The following GPC6 variants were observed in gnomAD, a reference collection of about 807,000 sequenced individuals.
GPC6 encodes glypican-6.
In GPC6, 14 loss-of-function variants were observed where a neutral mutation model predicts 55.2. That is an observed-to-expected ratio of 0.25 (90% CI 0.17 to 0.40). The LOEUF (loss-of-function observed/expected upper bound fraction) is 0.40. Ranked by LOEUF, GPC6 falls within the 10% of genes least tolerant of loss-of-function variation. The pLI is 1.00. For missense variants in GPC6, 641 were observed against 708.5 expected (o/e 0.90, Z 1.08); for synonymous variants, 278 against 259.6 (o/e 1.07, Z -0.68).
chr13:93,880,442 A>G (rs190583131), intron 3 of GPC6, among the ~76,000 whole-genome samples: 1 of 152,154 alleles, frequency 6.6e-6, no homozygotes, highest in Non-Finnish European at 1.5e-5. Context: ...GGAAATCATC[A>G]TTCTCAGCAA....
At chr13:93,778,421 C>T (rs1885534916) in intron 2 of GPC6, among the ~76,000 whole-genome samples, 1 of 152,152 alleles carries the variant, frequency 6.6e-6, no homozygotes, top group Non-Finnish European at 1.5e-5. Context: ...CAAATACACT[C>T]ACTAACTTGT....
rs74109202 is a variant in GPC6 at position 94,006,403 on chromosome 13, G to A, written c.712-21326G>A. 4.7e-3 allele frequency among the ~76,000 whole-genome samples: 716 copies of A among 152,246 alleles called. 6 individuals carry two copies. Among genetic ancestry groups the A allele is most frequent in the African/African-American group, 0.015 (617 of 41,542 alleles). On this transcript the variant is annotated intron_variant, in intron 3 of 8. Transcript: ENST00000377047. ...CCCCACGCTGCTACTCCTCAGACCC[G>A]AGGCTTATACAGCTTCAGGAAAGCA...
Position 94,027,739 on chromosome 13 carries a change from C to A in GPC6, c.722C>A (p.Thr241Asn), listed in dbSNP as rs769823137. ...VANRVSKVSP[T>N]PGCIRALMKM... The stretch of plus-strand genomic sequence containing the variant: ...GCAATAAATCTGCAGGTCAGCCCAA[C>A]CCCAGGGTGTATCCGTGCCCTCATG... Residue 241 changes from threonine to asparagine, a missense_variant, in exon 4 of 9, where the codon ACC (threonine) becomes AAC (asparagine). Thr to Asn is a moderately conservative substitution (Grantham distance 65, BLOSUM62 0). Coordinates refer to ENST00000377047, the MANE Select transcript of GPC6 (RefSeq NM_005708.5). 1 of 1,613,806 alleles carries A rather than the reference C, an allele frequency of 6.2e-7. No homozygotes were observed. Among genetic ancestry groups the A allele is most frequent in the Non-Finnish European group, 8.5e-7 (1 of 1,179,916 alleles).
chr13:94,365,289 A>G (rs1373425492), intron 6 of GPC6, among the ~76,000 whole-genome samples: 3 of 152,208 alleles, frequency 2.0e-5, no homozygotes, highest in Admixed American at 1.3e-4. Flanking sequence ...GAGTTCATAG[A>G]CAGCCTTGGG....
chr13:93,618,001 G>A (rs1449528900), intron 2 of GPC6, among the ~76,000 whole-genome samples: 1 of 151,930 alleles, frequency 6.6e-6, no homozygotes, highest in South Asian at 2.1e-4. Flanking sequence ...ATTTAATCTG[G>A]CTCTGGTTCT....
chr13:94,141,395 C>T (rs1887373873), intron 4 of GPC6, among the ~76,000 whole-genome samples: 1 of 152,112 alleles, frequency 6.6e-6, no homozygotes, highest in African/African-American at 2.4e-5. Context: ...TGACTTAACC[C>T]TTGTCTGGCA....
intron 2 of GPC6, among the ~76,000 whole-genome samples, chr13:93,647,746 C>T (rs1880232124): frequency 6.6e-6 from 1 of 152,168 alleles, no homozygotes; most frequent in Non-Finnish European, 1.5e-5. Context: ...AGCTTATTCA[C>T]CATTTCAGTT....
chr13:93,447,062 C>G (rs567209658), intron 1 of GPC6, among the ~76,000 whole-genome samples: 11 of 152,078 alleles, frequency 7.2e-5, no homozygotes, highest in Non-Finnish European at 1.5e-4. Context: ...AAGTAGGAGA[C>G]TGAATCTAAA....
intron 2 of GPC6, among the ~76,000 whole-genome samples, chr13:93,828,330 G>A (rs780753263): frequency 6.6e-6 from 1 of 151,948 alleles, no homozygotes; most frequent in Non-Finnish European, 1.5e-5. Context: ...TTGGTTTCCA[G>A]ATCGGAAGGT....
At chr13:93,434,787 A>T (rs780308478) in intron 1 of GPC6, among the ~76,000 whole-genome samples, 1 of 151,634 alleles carries the variant, frequency 6.6e-6, no homozygotes, top group Non-Finnish European at 1.5e-5. Context: ...GCTCACTGCA[A>T]TCCCCACCTC....
intron 4 of GPC6, among the ~76,000 whole-genome samples, chr13:94,199,926 G>A (rs1426919329): frequency 6.6e-6 from 1 of 152,122 alleles, no homozygotes; most frequent in Non-Finnish European, 1.5e-5. Flanking sequence ...GGAGGCCAGG[G>A]CAGGTGGCTC....
chr13:93,452,331 T>C (rs1357031012), intron 1 of GPC6, among the ~76,000 whole-genome samples: 1 of 152,254 alleles, frequency 6.6e-6, no homozygotes, highest in Non-Finnish European at 1.5e-5. Context: ...TTCAGTTTGC[T>C]TAAAGTGATA....
chr13:93,970,955 A>G (rs1041902755), intron 3 of GPC6, among the ~76,000 whole-genome samples: 4 of 152,222 alleles, frequency 2.6e-5, no homozygotes, highest in Non-Finnish European at 5.9e-5. Flanking sequence ...TTTGATAGTT[A>G]TCTATTAATG....
intron 3 of GPC6, among the ~76,000 whole-genome samples, chr13:93,973,629 GT>G (rs935550264): frequency 2.0e-5 from 3 of 152,070 alleles, no homozygotes; most frequent in East Asian, 1.9e-4. Context: ...TTAAAATAAC[GT>G]GTTTATTAAA....
At chr13:94,026,567 T>G (rs9524314) in intron 3 of GPC6, among the ~76,000 whole-genome samples, 19,980 of 152,090 alleles carry the variant, frequency 0.13, 1,599 homozygotes, top group East Asian at 0.33. Flanking sequence ...CAACAATTTT[T>G]ACATCTAGTC....
chr13:93,216,691 T>G, the GPC6 span, among the ~76,000 whole-genome samples: 145,044 of 152,084 alleles, frequency 0.95, 69,539 homozygotes, highest in East Asian at 1. Context: ...TGATGTGTTT[T>G]CACCAATGTC....
chr13:94,347,407 AG>A (rs140794124), intron 6 of GPC6, among the ~76,000 whole-genome samples: 5,275 of 152,282 alleles, frequency 0.035, 171 homozygotes, highest in African/African-American at 0.084. Context: ...ATAACTTTTC[AG>A]GACTATGTGC....
At chr13:93,620,855 T>C (rs60492309) in intron 2 of GPC6, among the ~76,000 whole-genome samples, 5,779 of 152,198 alleles carry the variant, frequency 0.038, 380 homozygotes, top group African/African-American at 0.13. Context: ...AGACCTTTTC[T>C]TCATGTACCA....
At chr13:93,948,256 T>C (rs2152905) in intron 3 of GPC6, among the ~76,000 whole-genome samples, 22,416 of 152,166 alleles carry the variant, frequency 0.15, 1,917 homozygotes, top group Middle Eastern at 0.26. Context: ...TCGTATTTTC[T>C]CCAATTCAAA....
Sources: gnomAD v4.1 joint callset for allele counts (sites outside exome capture counted in the v4.1 genomes callset) on GRCh38, gnomAD v4.1.1 for gene constraint, MANE v1.5 for transcripts, NCBI Gene and HGNC (gene_info 2026-07-23, HGNC 2026-07-21) for gene names.